The following FCHO2 variants were observed in gnomAD, a reference collection of about 807,000 sequenced individuals.
The protein encoded by FCHO2 is FCH and mu domain containing endocytic adaptor 2.
In FCHO2, 43 loss-of-function variants were observed where a neutral mutation model predicts 114.1. That is an observed-to-expected ratio of 0.38 (90% CI 0.30 to 0.49). The LOEUF is 0.49. Among genes scored for constraint, FCHO2 ranks in the 20% least tolerant of loss-of-function variants. The pLI is 0.97. For missense variants in FCHO2, 807 were observed against 950.4 expected, an observed-to-expected ratio of 0.85 and a Z score of 1.98; for synonymous variants, 293 against 315.2, an observed-to-expected ratio of 0.93 and a Z score of 0.75.
At chr5:72,997,440 G>A (rs1754181692) in intron 5 of FCHO2, 2 of 1,599,058 alleles carry the variant, frequency 1.3e-6, no homozygotes, top group African/African-American at 2.7e-5. Flanking sequence ...TTGGTCCACA[G>A]TGACCTCTCC....
chr5:73,057,231 T>C (rs1485902902), intron 16 of FCHO2, among the ~76,000 whole-genome samples: 1 of 152,158 alleles, frequency 6.6e-6, no homozygotes, highest in African/African-American at 2.4e-5. Context: ...TGGCCAGAGT[T>C]AATGTAAAAT....
intron 11 of FCHO2, 136 bp from the exon 12 acceptor site, chr5:73,051,213 T>C: frequency 1.8e-6 from 1 of 569,600 alleles, no homozygotes. Flanking sequence ...TTTTCTTCGG[T>C]GTTCATCATT....
chr5:73,015,818 A>T (rs951268217), intron 7 of FCHO2, 94 bp downstream of exon 7: 67 of 609,804 alleles, frequency 1.1e-4, no homozygotes, highest in Non-Finnish European at 1.7e-4. Context: ...AAAGTTCATA[A>T]GTATAATACC....
chr5:73,080,103 A>C (rs557899012), intron 22 of FCHO2, among the ~76,000 whole-genome samples: 41 of 152,344 alleles, frequency 2.7e-4, no homozygotes, highest in Non-Finnish European at 5.6e-4. Context: ...TACGACACAT[A>C]AGATGAACCA....
chr5:73,072,552 C>T (rs561869966), intron 19 of FCHO2, among the ~76,000 whole-genome samples: 2 of 152,132 alleles, frequency 1.3e-5, no homozygotes, highest in Admixed American at 6.6e-5. Context: ...TATATGCATA[C>T]AATAGAATAT....
chr5:73,044,906 G>A (rs2112818195), intron 11 of FCHO2, among the ~76,000 whole-genome samples: 1 of 152,202 alleles, frequency 6.6e-6, no homozygotes, highest in East Asian at 1.9e-4. Context: ...CCAGCTGTAT[G>A]GGCCCTAATA....
intron 5 of FCHO2, among the ~76,000 whole-genome samples, chr5:72,994,583 A>G (rs1372725122): frequency 6.6e-6 from 1 of 152,226 alleles, no homozygotes; most frequent in African/African-American, 2.4e-5. Flanking sequence ...GCGATTCTTC[A>G]AAGAGCTAAA....
At position 72,956,071 on chromosome 5, in the gene FCHO2, G is replaced by C. The variant is rs1318029642; in HGVS notation, c.-26G>C. On this transcript the variant is annotated 5_prime_UTR_variant, in exon 1 of 26. Coordinates refer to ENST00000430046, the MANE Select transcript of FCHO2 (RefSeq NM_138782.3). ...TACACAGCGGCGGGCGGGCGCGGAC[G>C]CGGAACCCGGCGCGGCGGCGGCACG... 1.3e-6 allele frequency: 2 copies of C among 1,539,202 alleles called. No individual in the cohort carries two copies. Among genetic ancestry groups the C allele is most frequent in the Non-Finnish European group, 1.8e-6 (2 of 1,142,012 alleles).
intron 19 of FCHO2, 81 bp downstream of exon 19, chr5:73,068,860 G>T: frequency 2.1e-6 from 3 of 1,410,330 alleles, no homozygotes; most frequent in Non-Finnish European, 2.8e-6. Flanking sequence ...TTTTAAATGG[G>T]CTAATGAAGA....
At chr5:72,988,362 C>T (rs978906255) in intron 2 of FCHO2, among the ~76,000 whole-genome samples, 11 of 152,006 alleles carry the variant, frequency 7.2e-5, no homozygotes, top group Non-Finnish European at 1.2e-4. Context: ...CGCTTGAATC[C>T]GGGAGGCGGA....
chr5:72,990,954 C>T, intron 5 of FCHO2, 90 bp downstream of exon 5: 2 of 1,391,278 alleles, frequency 1.4e-6, no homozygotes, highest in East Asian at 2.5e-5. Context: ...TGAAAATTAT[C>T]TCATTTTAAA....
intron 18 of FCHO2, among the ~76,000 whole-genome samples, chr5:73,064,276 C>T (rs1020278003): frequency 2.6e-5 from 4 of 152,006 alleles, no homozygotes; most frequent in Non-Finnish European, 5.9e-5. Flanking sequence ...TAAATGGTGG[C>T]TTGTTCTTAG....
At chr5:73,067,991 T>TA (rs1742440550) in intron 18 of FCHO2, among the ~76,000 whole-genome samples, 1 of 151,988 alleles carries the variant, frequency 6.6e-6, no homozygotes, top group Admixed American at 6.6e-5. Context: ...CAAACCTTTG[T>TA]ATGGAGTGAG....
intron 16 of FCHO2, among the ~76,000 whole-genome samples, 163 bp from the exon 17 acceptor site, chr5:73,058,270 A>G (rs1580180959): frequency 6.6e-6 from 1 of 152,062 alleles, no homozygotes. Flanking sequence ...CTGAGCCTCC[A>G]GAAGTGTTGG....
Position 73,005,998 on chromosome 5 carries a change from T to C in FCHO2, c.496-447T>C, listed in dbSNP as rs565155311. ...GTTTATAGATAGGTTTAATCAGACA[T>C]TGAATGAAATATATGTATGCTGTGG... On this transcript the variant is annotated intron_variant, in intron 5 of 25. Coordinates refer to ENST00000430046, the MANE Select transcript of FCHO2 (RefSeq NM_138782.3). 2.6e-5 allele frequency among the ~76,000 whole-genome samples: 4 copies of C among 152,292 alleles called. No individual in the cohort carries two copies. In the East Asian group the frequency reaches 5.8e-4, roughly 22 times the overall value.
chr5:73,030,313 A>G (rs1756169401), intron 8 of FCHO2, among the ~76,000 whole-genome samples: 1 of 152,170 alleles, frequency 6.6e-6, no homozygotes, highest in African/African-American at 2.4e-5. Flanking sequence ...CAGTGCTGGG[A>G]TTACAGGCAT....
At chr5:72,993,684 T>A (rs1043391752) in intron 5 of FCHO2, among the ~76,000 whole-genome samples, 21 of 152,210 alleles carry the variant, frequency 1.4e-4, no homozygotes, top group African/African-American at 4.8e-4. Flanking sequence ...CTTCGTTGCA[T>A]GATTGGACAG....
At chr5:72,956,294 C>G (rs528791986) in intron 1 of FCHO2, among the ~76,000 whole-genome samples, 165 bp downstream of exon 1, 41 of 151,926 alleles carry the variant, frequency 2.7e-4, no homozygotes, top group African/African-American at 9.6e-4. Context: ...CGGTCGCCAG[C>G]CTATAGGGAC....
chr5:73,086,611 C>G (rs1743319667), intron 24 of FCHO2, among the ~76,000 whole-genome samples: 1 of 152,198 alleles, frequency 6.6e-6, no homozygotes, highest in African/African-American at 2.4e-5. Flanking sequence ...TCAGATCCCC[C>G]TTTCCTATCA....
Sources: allele counts gnomAD v4.1 joint callset (sites outside exome capture counted in the v4.1 genomes callset), GRCh38; gene constraint gnomAD v4.1.1; transcripts MANE v1.5; gene names NCBI Gene and HGNC (gene_info 2026-07-23, HGNC 2026-07-21).